UST: variants seen among roughly 807,000 people sequenced by gnomAD.
UST encodes chondroitin sulfate 2-O-sulfotransferase.
Under a neutral mutation model 45.6 loss-of-function variants are expected in UST, and 21 were observed. The observed-to-expected ratio is 0.46, with a 90% CI of 0.33 to 0.66. The LOEUF (loss-of-function observed/expected upper bound fraction) is 0.66, where lower values mean the gene tolerates loss of function less well. Ranked by LOEUF, UST falls within the 30% of genes least tolerant of loss-of-function variation. The probability of loss-of-function intolerance (pLI) is 0.02; values close to 1 mark genes in which losing one functional copy is unlikely to be tolerated. For missense variants in UST, 463 were observed against 512.4 expected, an observed-to-expected ratio of 0.90 and a Z score of 0.93; for synonymous variants, 215 against 200.6, an observed-to-expected ratio of 1.07 and a Z score of -0.61.
intron 5 of UST, among the ~76,000 whole-genome samples, chr6:149,007,748 G>T (rs377458273): frequency 1.3e-5 from 2 of 152,034 alleles, no homozygotes; most frequent in African/African-American, 4.8e-5. Context: ...TAAGACAGGG[G>T]GTTTTTTTTT....
chr6:148,747,060 G>A lies in UST; in HGVS notation c.-371G>A, dbSNP rs1219255669. Among the ~76,000 whole-genome samples, 3 of 151,778 alleles carry A rather than the reference G, an allele frequency of 2.0e-5. No individual in the cohort carries two copies. The highest frequency in any genetic ancestry group is 3.0e-5 in the Non-Finnish European group (2 of 67,686). ...AGCCTGAACCGGGACAAAACACGCCGAGACCTACAGACACAAAGCCGGGGG... is the reference window on the plus strand; with the variant it reads ...AGCCTGAACCGGGACAAAACACGCCAAGACCTACAGACACAAAGCCGGGGG... On this transcript the variant is annotated 5_prime_UTR_variant, in exon 1 of 8. Transcript: ENST00000367463.
chr6:148,944,281 A>C (rs532051103), intron 3 of UST, among the ~76,000 whole-genome samples: 109 of 152,310 alleles, frequency 7.2e-4, no homozygotes, highest in African/African-American at 2.6e-3. Context: ...AGTATGACTT[A>C]AACAGGCTCT....
chr6:148,962,107 T>C (rs928265800), intron 4 of UST, among the ~76,000 whole-genome samples: 4 of 152,254 alleles, frequency 2.6e-5, no homozygotes, highest in Non-Finnish European at 5.9e-5. Flanking sequence ...TTGTCATAGT[T>C]AGAAACTTCT....
At chr6:148,918,001 G>T (rs921766750) in intron 2 of UST, among the ~76,000 whole-genome samples, 2 of 152,042 alleles carry the variant, frequency 1.3e-5, no homozygotes, top group Admixed American at 6.6e-5. Flanking sequence ...TGTGGGTCCC[G>T]GGTGGCTGCA....
In UST at chr6:149,074,656, GC is replaced by G. The variant is rs1210862528; in HGVS notation, c.*543del. 1.3e-5 allele frequency: 2 copies of G among 156,670 alleles called. No individual in the cohort carries two copies. Among genetic ancestry groups the G allele is most frequent in the Non-Finnish European group, 2.8e-5 (2 of 71,042 alleles). 9.7% of individuals were successfully genotyped at this position (156,670 alleles called of 1,614,324 possible). A position where few individuals can be genotyped will look rare whatever the true frequency, so the allele number is the denominator to read the frequency against. ...AGGCTGAGGTGGGAGGATCACTTGAGCCCAGGAGTTTGAGGTTGCAGTGAGC... is the reference window on the plus strand; with the variant it reads ...AGGCTGAGGTGGGAGGATCACTTGAGCCAGGAGTTTGAGGTTGCAGTGAGC... On this transcript the variant is annotated 3_prime_UTR_variant, in exon 8 of 8. Transcript: ENST00000367463.
intron 4 of UST, among the ~76,000 whole-genome samples, chr6:148,964,033 G>A (rs554299870): frequency 6.6e-6 from 1 of 152,274 alleles, no homozygotes; most frequent in African/African-American, 2.4e-5. Context: ...GTCCCTGTGG[G>A]TTCTGTTCTA....
At chr6:148,841,396 T>C (rs1777884788) in intron 1 of UST, among the ~76,000 whole-genome samples, 1 of 152,222 alleles carries the variant, frequency 6.6e-6, no homozygotes, top group Admixed American at 6.5e-5. Flanking sequence ...GCCTCAAGTT[T>C]CATCTGTGGG....
intron 1 of UST, among the ~76,000 whole-genome samples, chr6:148,809,243 C>T (rs1451323066): frequency 6.6e-6 from 1 of 152,126 alleles, no homozygotes; most frequent in South Asian, 2.1e-4. Context: ...TAGGGACAGA[C>T]TTCTCGTGTT....
chr6:148,804,144 T>G (rs528427070), intron 1 of UST, among the ~76,000 whole-genome samples: 1 of 152,336 alleles, frequency 6.6e-6, no homozygotes, highest in African/African-American at 2.4e-5. Context: ...TTTGAAAAAC[T>G]CTTGCAACTC....
At chr6:148,855,568 T>G (rs1484790418) in intron 1 of UST, among the ~76,000 whole-genome samples, 1 of 152,000 alleles carries the variant, frequency 6.6e-6, no homozygotes, top group African/African-American at 2.4e-5. Context: ...ACTAAGAAAA[T>G]TAAATGGTAG....
intron 5 of UST, among the ~76,000 whole-genome samples, chr6:148,997,729 T>G (rs1248307044): frequency 6.6e-6 from 1 of 152,186 alleles, no homozygotes; most frequent in Non-Finnish European, 1.5e-5. Flanking sequence ...TTTTAAATAC[T>G]CACAAAAGAG....
At chr6:148,788,354 TACAC>T (rs199530817) in intron 1 of UST, among the ~76,000 whole-genome samples, 1 of 151,698 alleles carries the variant, frequency 6.6e-6, no homozygotes, top group Non-Finnish European at 1.5e-5. Flanking sequence ...TATATATATA[TACAC>T]ACACACACAC....
intron 1 of UST, among the ~76,000 whole-genome samples, chr6:148,799,403 T>C (rs1202181955): frequency 6.6e-6 from 1 of 152,156 alleles, no homozygotes; most frequent in Non-Finnish European, 1.5e-5. Flanking sequence ...CTGTCAATCA[T>C]TGTAGCAAGG....
intron 5 of UST, among the ~76,000 whole-genome samples, chr6:149,000,826 A>C (rs891235476): frequency 3.9e-5 from 6 of 152,236 alleles, no homozygotes; most frequent in Admixed American, 2.6e-4. Context: ...AATTTAATAG[A>C]TAAGTTCTAA....
chr6:148,924,904 A>C (rs752860149), intron 2 of UST, among the ~76,000 whole-genome samples: 7 of 152,186 alleles, frequency 4.6e-5, no homozygotes, highest in African/African-American at 7.2e-5. Context: ...AAATAAGAAA[A>C]GCAGGCGTGA....
At chr6:149,038,688 C>G (rs558903846) in intron 7 of UST, among the ~76,000 whole-genome samples, 1 of 152,128 alleles carries the variant, frequency 6.6e-6, no homozygotes, top group Non-Finnish European at 1.5e-5. Context: ...CTGGAGGGTC[C>G]GTTCGCATTC....
chr6:148,821,864 A>G (rs1777472129), intron 1 of UST, among the ~76,000 whole-genome samples: 1 of 152,112 alleles, frequency 6.6e-6, no homozygotes, highest in Admixed American at 6.5e-5. Flanking sequence ...TCAATGGTCT[A>G]TATTCCATTA....
chr6:148,857,762 CA>C (rs35774834), intron 1 of UST, among the ~76,000 whole-genome samples: 2,153 of 120,392 alleles, frequency 0.018, 46 homozygotes, highest in African/African-American at 0.058. Context: ...GTCTCCATCT[CA>C]AAAAAAAAAA....
At chr6:148,776,610 T>C (rs1364394684) in intron 1 of UST, among the ~76,000 whole-genome samples, 1 of 152,228 alleles carries the variant, frequency 6.6e-6, no homozygotes, top group Admixed American at 6.5e-5. Flanking sequence ...GCCTTACTTA[T>C]CTGGAATAGC....
Sources: allele counts gnomAD v4.1 joint callset (sites outside exome capture counted in the v4.1 genomes callset), GRCh38; gene constraint gnomAD v4.1.1; transcripts MANE v1.5; gene names NCBI Gene and HGNC (gene_info 2026-07-23, HGNC 2026-07-21).